Variants in MDN1 observed in about 807,000 individuals in gnomAD.
MDN1 encodes midasin.
A neutral mutation model predicts 669.2 loss-of-function variants in MDN1; 266 were observed. That is an observed-to-expected ratio of 0.40 (90% CI 0.36 to 0.44). The LOEUF (loss-of-function observed/expected upper bound fraction) is 0.44. Ranked by LOEUF, MDN1 falls within the 20% of genes least tolerant of loss-of-function variation. MDN1 has a pLI of 1.00. For missense variants in MDN1, 5,940 were observed against 6,754.0 expected, an observed-to-expected ratio of 0.88 and a Z score of 4.22; for synonymous variants, 2,385 against 2,457.1, an observed-to-expected ratio of 0.97 and a Z score of 0.87.
At chr6:89,713,359 T>C in intron 46 of MDN1, 63 bp from the exon 47 acceptor site, 1 of 1,430,500 alleles carries the variant, frequency 7.0e-7, no homozygotes, top group Non-Finnish European at 9.5e-7. Context: ...TGAAAATGGA[T>C]AAATTCTGCC....
At position 89,780,307 on chromosome 6, in the gene MDN1, A is replaced by G. The variant is rs1338865452; in HGVS notation, c.1644-14T>C. 6.5e-7 allele frequency: 1 copy of G among 1,527,260 alleles called. No homozygotes were observed. Among genetic ancestry groups the G allele is most frequent in the East Asian group, 2.3e-5 (1 of 43,234 alleles). The allele number at this position is 1,527,260 out of a possible 1,614,324, so 94.6% of individuals were successfully genotyped here. ...TTCAGCAGATCCCTTTAAAAAAAAG[A>G]AAGAAAAGAAAAAACAAAGAAAAGA... On this transcript the variant is annotated splice_polypyrimidine_tract_variant and intron_variant, in intron 10 of 101. Transcript: ENST00000369393.
intron 1 of MDN1, among the ~76,000 whole-genome samples, chr6:89,808,916 A>G (rs1357091692): frequency 6.6e-6 from 1 of 152,102 alleles, no homozygotes; most frequent in Non-Finnish European, 1.5e-5. Flanking sequence ...TTCTATCATG[A>G]ACAAAAGTAT....
chr6:89,705,940 A>C (rs1291219038), intron 53 of MDN1, 119 bp downstream of exon 53: 3 of 852,554 alleles, frequency 3.5e-6, no homozygotes, highest in Non-Finnish European at 5.2e-6. Context: ...GTTAAGAATA[A>C]GTTTCTTAAA....
At chr6:89,813,313 A>C (rs1768572555) in intron 1 of MDN1, among the ~76,000 whole-genome samples, 1 of 151,952 alleles carries the variant, frequency 6.6e-6, no homozygotes, top group Non-Finnish European at 1.5e-5. Context: ...ACTTCGGGAG[A>C]CCGAGGCAGG....
chr6:89,680,141 T>C (rs1027778045), intron 74 of MDN1, among the ~76,000 whole-genome samples: 6 of 152,180 alleles, frequency 3.9e-5, no homozygotes, highest in African/African-American at 1.4e-4. Context: ...CTATGAGATC[T>C]TCGCTCTCAC....
intron 12 of MDN1, among the ~76,000 whole-genome samples, chr6:89,776,363 A>G (rs1369653785): frequency 6.6e-6 from 1 of 152,200 alleles, no homozygotes; most frequent in African/African-American, 2.4e-5. Flanking sequence ...CAGGAGGCTG[A>G]CGCAGGAGAA....
At chr6:89,810,787 C>G (rs57989868) in intron 1 of MDN1, among the ~76,000 whole-genome samples, 2 of 151,870 alleles carry the variant, frequency 1.3e-5, no homozygotes, top group African/African-American at 4.8e-5. Context: ...CACTTGAGGT[C>G]GGGAGTTAGA....
chr6:89,684,953 G>C lies in MDN1; in HGVS notation c.11752C>G (p.His3918Asp). 6.2e-7 allele frequency: 1 copy of C among 1,613,256 alleles called. No homozygotes were observed. Residue 3918 changes from histidine to aspartate, a missense_variant, in exon 71 of 102, where the codon CAT (histidine) becomes GAT (aspartate). Physicochemically the swap from His to Asp is moderately conservative, Grantham distance 81. This residue lies in a region of MDN1 where 2,280 missense variants were observed against 2,576.3 expected (regional missense o/e 0.88). Coordinates refer to ENST00000369393, the MANE Select transcript of MDN1 (RefSeq NM_014611.3). ...SLCSVLWNLY[H>D]YYKQFFDRVQ... ...CGGTCAAAGAATTGCTTGTAATAAT[G>C]GTACAAATTCCATAGAACACTGCAA...
chr6:89,706,775 A>T lies in MDN1; in HGVS notation c.8015-583T>A, dbSNP rs62417303. On this transcript the variant is annotated intron_variant, in intron 52 of 101. Transcript: ENST00000369393. The stretch of plus-strand genomic sequence containing the variant: ...GTATATTTTATACAAGTATTTAAGT[A>T]TAAAATGAAAACTAAGTACATATGT... Among the ~76,000 whole-genome samples, 232 of 152,334 alleles carry T rather than the reference A, an allele frequency of 1.5e-3. 2 individuals are homozygous for T. The highest frequency in any genetic ancestry group is 3.8e-3 in the Admixed American group (58 of 15,298).
In MDN1 at chr6:89,713,037, C is replaced by T; in HGVS notation, c.7218+111G>A. 4 of 1,173,962 alleles carry T rather than the reference C, an allele frequency of 3.4e-6. No homozygotes were observed. In the South Asian group the frequency reaches 6.3e-5, roughly 18 times the overall value. 72.7% of individuals were successfully genotyped at this position (1,173,962 alleles called of 1,614,324 possible). On this transcript the variant is annotated intron_variant, in intron 47 of 101. Coordinates refer to ENST00000369393, the MANE Select transcript of MDN1 (RefSeq NM_014611.3). Reference sequence around the variant, plus strand: ...ACCAGATCTCTATTAGAGCAAACTGCAGTGGTCAACTCTCTTAGGTCACTG... The same window carrying T: ...ACCAGATCTCTATTAGAGCAAACTGTAGTGGTCAACTCTCTTAGGTCACTG...
chr6:89,649,860 T>C (rs1015016317), intron 97 of MDN1, among the ~76,000 whole-genome samples, 164 bp downstream of exon 97: 17 of 152,236 alleles, frequency 1.1e-4, no homozygotes, highest in African/African-American at 4.1e-4. Flanking sequence ...TTATCAAAGA[T>C]GGTTATCACA....
intron 24 of MDN1, 147 bp from the exon 25 acceptor site, chr6:89,749,898 G>T: frequency 1.5e-6 from 1 of 658,182 alleles, no homozygotes; most frequent in Non-Finnish European, 2.6e-6. Context: ...AACAAATTAT[G>T]ACACTGCAGA....
At chr6:89,738,275 C>G in intron 33 of MDN1, 51 bp downstream of exon 33, 1 of 1,598,000 alleles carries the variant, frequency 6.3e-7, no homozygotes, top group Non-Finnish European at 8.5e-7. Context: ...CAACTCCCAA[C>G]ACAAACCCTT....
chr6:89,800,853 G>A (rs1057268210), intron 2 of MDN1, among the ~76,000 whole-genome samples: 3 of 152,160 alleles, frequency 2.0e-5, no homozygotes, highest in Admixed American at 6.5e-5. Flanking sequence ...AACCCAGATA[G>A]ACAGTCTCAG....
At position 89,645,083 on chromosome 6, in the gene MDN1, C is replaced by T. The variant is rs1339437456; in HGVS notation, c.16534G>A (p.Ala5512Thr). 6.2e-7 allele frequency: 1 copy of T among 1,612,232 alleles called. No homozygotes were observed. Among genetic ancestry groups the T allele is most frequent in the African/African-American group, 1.3e-5 (1 of 74,932 alleles). ...FLEGKERVLA[A>T]VQAARNANIF... Reference sequence around the variant, plus strand: ...TTTGCATTCCGGGCAGCCTGAACTGCTGCCAGGACTCTTTCTTTGCCCTCA... The same window carrying T: ...TTTGCATTCCGGGCAGCCTGAACTGTTGCCAGGACTCTTTCTTTGCCCTCA... The change falls in exon 101 of 102, where the codon GCA (alanine) becomes ACA (threonine). Residue 5512 changes from alanine to threonine, a missense_variant. This residue lies in a region of MDN1 where 2,280 missense variants were observed against 2,576.3 expected (regional missense o/e 0.88). Coordinates refer to ENST00000369393, the MANE Select transcript of MDN1 (RefSeq NM_014611.3).
chr6:89,689,783 A>G (rs1286463139), intron 65 of MDN1, 87 bp downstream of exon 65: 3 of 1,430,400 alleles, frequency 2.1e-6, no homozygotes, highest in Non-Finnish European at 2.8e-6. Context: ...CAGGAAATTC[A>G]TGAGTGTGAT....
At position 89,729,057 on chromosome 6, in the gene MDN1, T is replaced by A. The variant is rs770588117; in HGVS notation, c.5223A>T (p.Arg1741Ser). ...GAATGGGCTTCTTCAGTTTGGTAGC[T>A]CTTAAGAGCCTCTGTGCATTCATAG... ...TTAMNAQRLL[R>S]ATKLKKPILL... is the part of the protein sequence containing the mutation. The change falls in exon 36 of 102, where the codon AGA becomes AGT. Residue 1741 changes from arginine (R) to serine (S), a missense_variant. Coordinates refer to ENST00000369393, the MANE Select transcript of MDN1 (RefSeq NM_014611.3). 1 of 1,614,002 alleles carries A rather than the reference T, an allele frequency of 6.2e-7. No individual in the cohort carries two copies. Among genetic ancestry groups the A allele is most frequent in the Admixed American group, 1.7e-5 (1 of 60,008 alleles).
rs1364133377 is a variant in MDN1 at position 89,668,134 on chromosome 6, T to C, written c.13974A>G (p.Lys4658=). ...ELAQKGFCLP[K]EFMEDSAGEG... ...CTCCAGCTGAATCTTCCATAAATTC[T>C]TTGGGCAAGCAAAATCCCTTAGAAA... The change falls in exon 84 of 102, where the codon AAA becomes AAG. Residue 4658 remains lysine (K), a synonymous_variant. Coordinates refer to ENST00000369393, the MANE Select transcript of MDN1 (RefSeq NM_014611.3). 8.1e-6 allele frequency: 13 copies of C among 1,614,116 alleles called. No individual in the cohort carries two copies. The highest frequency in any genetic ancestry group is 1.0e-5 in the Non-Finnish European group (12 of 1,179,984).
chr6:89,706,830 GAGAAAA>G (rs1400121800), intron 52 of MDN1, among the ~76,000 whole-genome samples: 36 of 152,008 alleles, frequency 2.4e-4, no homozygotes, highest in African/African-American at 8.2e-4. Context: ...CAATAGATAT[GAGAAAA>G]CATAAATGAA....
Sources: gnomAD v4.1 joint callset for allele counts (sites outside exome capture counted in the v4.1 genomes callset) on GRCh38, gnomAD v4.1.1 for gene constraint, gnomAD v4.1.1 regional missense constraint, MANE v1.5 for transcripts, NCBI Gene and HGNC (gene_info 2026-07-23, HGNC 2026-07-21) for gene names.